Variants in QKI observed in about 807,000 individuals in gnomAD.
The protein encoded by QKI is QKI, KH domain containing RNA binding, also known as KH domain-containing RNA-binding protein QKI.
Under a neutral mutation model 39.0 loss-of-function variants are expected in QKI, and 10 were observed. That is an observed-to-expected ratio of 0.26 (90% confidence interval 0.16 to 0.43). The LOEUF (loss-of-function observed/expected upper bound fraction) is 0.43. Ranked by LOEUF, QKI falls within the 20% of genes least tolerant of loss-of-function variation. The pLI, the probability that QKI is intolerant of heterozygous loss-of-function variation, is 1.00. For missense variants in QKI, 218 were observed against 428.0 expected (o/e 0.51, Z 4.33); for synonymous variants, 204 against 155.4 (o/e 1.31, Z -2.33).
At chr6:163,551,812 AAG>A (rs1197354351) in intron 4 of QKI, among the ~76,000 whole-genome samples, 2 of 152,250 alleles carry the variant, frequency 1.3e-5, no homozygotes, top group Non-Finnish European at 2.9e-5. Context: ...GAAGTCTTGT[AAG>A]AGCAGTTGGA....
At chr6:163,457,559 C>T (rs1246493917) in intron 2 of QKI, 4 of 419,056 alleles carry the variant, frequency 9.5e-6, no homozygotes, top group East Asian at 7.1e-5. Context: ...GGGGTAAGGG[C>T]GAGGCCTAGC....
chr6:163,501,826 A>G (rs1049520166), intron 3 of QKI, among the ~76,000 whole-genome samples: 3 of 152,232 alleles, frequency 2.0e-5, no homozygotes, highest in Admixed American at 2.0e-4. Flanking sequence ...TAAAACTTGT[A>G]TTAAGCAGCT....
chr6:163,556,363 T>C (rs1408525562), intron 4 of QKI, among the ~76,000 whole-genome samples: 1 of 151,806 alleles, frequency 6.6e-6, no homozygotes, highest in African/African-American at 2.4e-5. Flanking sequence ...ATACAAAAAA[T>C]TAGCTGGGCG....
intron 3 of QKI, among the ~76,000 whole-genome samples, chr6:163,532,736 C>T (rs1780939477): frequency 6.6e-6 from 1 of 152,178 alleles, no homozygotes; most frequent in Non-Finnish European, 1.5e-5. Context: ...CTGGAATTTT[C>T]TCTCAAGTAT....
In QKI at chr6:163,526,069, T is replaced by C. The variant is rs575645571; in HGVS notation, c.403-8913T>C. Among the ~76,000 whole-genome samples, 25 of 152,268 alleles carry C rather than the reference T, an allele frequency of 1.6e-4. 1 individual carries two copies. In the South Asian group the frequency reaches 5.0e-3, roughly 30 times the overall value. On this transcript the variant is annotated intron_variant, in intron 3 of 7. Coordinates refer to ENST00000361752, the MANE Select transcript of QKI (RefSeq NM_006775.3). ...CTGTGCTGAAAGATATGGAGATGAG[T>C]CTGATTCCATACTTCTTGAAACTTT...
chr6:163,418,399 G>A (rs1030296961), intron 1 of QKI, among the ~76,000 whole-genome samples: 35 of 152,142 alleles, frequency 2.3e-4, no homozygotes, highest in Non-Finnish European at 4.3e-4. Context: ...TTTAGAATGA[G>A]TATTTTAATT....
At position 163,453,160 on chromosome 6, in the gene QKI, ATTTAT is replaced by A. The variant is rs554002317; in HGVS notation, c.143-2117_143-2113del. ...AAAATCAGTATTTTTTCTTCCCTAG[ATTTAT>A]TATATTACTATGGTTACTTATAATA... On this transcript the variant is annotated intron_variant, in intron 1 of 7. Transcript: ENST00000361752. Among the ~76,000 whole-genome samples, 752 of 150,392 alleles carry A rather than the reference ATTTAT, an allele frequency of 5.0e-3. 7 individuals carry two copies. The highest frequency in any genetic ancestry group is 0.017 in the African/African-American group (704 of 40,924).
intron 1 of QKI, among the ~76,000 whole-genome samples, chr6:163,424,373 TTA>T (rs1189487701): frequency 3.9e-5 from 6 of 152,174 alleles, no homozygotes; most frequent in Admixed American, 3.3e-4. Context: ...TGAAATGAAT[TTA>T]TGTTTTTGTG....
intron 1 of QKI, among the ~76,000 whole-genome samples, chr6:163,421,709 G>A (rs1329399697): frequency 6.6e-6 from 1 of 151,084 alleles, no homozygotes; most frequent in Non-Finnish European, 1.5e-5. Flanking sequence ...ATAAATTGAA[G>A]TTTTCACTTA....
chr6:163,492,384 T>G (rs933004767), intron 3 of QKI, among the ~76,000 whole-genome samples: 1 of 152,180 alleles, frequency 6.6e-6, no homozygotes, highest in Non-Finnish European at 1.5e-5. Context: ...ATTTTTAGTT[T>G]GGTGTTTTTA....
chr6:163,554,009 CAAA>C, intron 4 of QKI, among the ~76,000 whole-genome samples: 1 of 151,950 alleles, frequency 6.6e-6, no homozygotes, highest in South Asian at 2.1e-4. Flanking sequence ...TTAGAGACTG[CAAA>C]AAAAGCATCT....
intron 4 of QKI, among the ~76,000 whole-genome samples, chr6:163,537,083 C>T (rs1339653680): frequency 1.3e-5 from 2 of 152,166 alleles, no homozygotes; most frequent in Admixed American, 6.5e-5. Context: ...TGGCACATGC[C>T]TATAGTCCCA....
At chr6:163,496,906 C>CCAT (rs376252012) in intron 3 of QKI, among the ~76,000 whole-genome samples, 94 of 152,080 alleles carry the variant, frequency 6.2e-4, no homozygotes, top group Middle Eastern at 3.4e-3. Context: ...TTTCATCTTA[C>CCAT]CATCAACAGC....
intron 3 of QKI, among the ~76,000 whole-genome samples, chr6:163,512,271 A>T (rs187132672): frequency 3.9e-5 from 6 of 152,178 alleles, no homozygotes; most frequent in Non-Finnish European, 7.4e-5. Context: ...CTAAGGTCAC[A>T]AACAAGCCGA....
At chr6:163,472,314 C>G (rs573539725) in intron 2 of QKI, among the ~76,000 whole-genome samples, 7 of 152,056 alleles carry the variant, frequency 4.6e-5, no homozygotes, top group Non-Finnish European at 1.0e-4. Context: ...AGGTCTTCAT[C>G]CTGGTGGTCT....
intron 3 of QKI, among the ~76,000 whole-genome samples, chr6:163,506,940 G>T (rs1244202588): frequency 6.6e-6 from 1 of 152,108 alleles, no homozygotes; most frequent in African/African-American, 2.4e-5. Flanking sequence ...ACATGTTTGT[G>T]TATAGTAATC....
intron 2 of QKI, among the ~76,000 whole-genome samples, chr6:163,462,115 G>A (rs1791399204): frequency 6.6e-6 from 1 of 152,058 alleles, no homozygotes; most frequent in East Asian, 1.9e-4. Flanking sequence ...ATATATTTAA[G>A]TAATTTTTGT....
intron 4 of QKI, among the ~76,000 whole-genome samples, chr6:163,549,718 A>G (rs1782112367): frequency 6.6e-6 from 1 of 152,192 alleles, no homozygotes; most frequent in South Asian, 2.1e-4. Flanking sequence ...TTTCAAAAAA[A>G]CAAACAAAAC....
intron 3 of QKI, among the ~76,000 whole-genome samples, chr6:163,532,501 A>T (rs1375838628): frequency 6.6e-6 from 1 of 152,184 alleles, no homozygotes; most frequent in Non-Finnish European, 1.5e-5. Flanking sequence ...CCTGGGACAC[A>T]GTTAAGTTAG....
Sources: gnomAD v4.1 joint callset for allele counts (sites outside exome capture counted in the v4.1 genomes callset) on GRCh38, gnomAD v4.1.1 for gene constraint, MANE v1.5 for transcripts, NCBI Gene and HGNC (gene_info 2026-07-23, HGNC 2026-07-21) for gene names.